FLT1: variants seen among roughly 807,000 people sequenced by gnomAD.
FLT1 encodes vascular endothelial growth factor receptor 1.
In FLT1, 49 loss-of-function variants were observed where a neutral mutation model predicts 156.3. The ratio of observed to expected loss-of-function variants is 0.31; its 90% confidence interval spans 0.25 to 0.40. The LOEUF is 0.40. Ranked by LOEUF, FLT1 falls within the 10% of genes least tolerant of loss-of-function variation. FLT1 has a pLI of 1.00. For synonymous variants in FLT1, 594 were observed against 583.8 expected (o/e 1.02, Z -0.25); for missense variants, 1,322 against 1,637.2 (o/e 0.81, Z 3.32).
At chr13:28,491,233 T>A (rs944810244) in intron 1 of FLT1, among the ~76,000 whole-genome samples, 2 of 152,194 alleles carry the variant, frequency 1.3e-5, no homozygotes, top group Non-Finnish European at 2.9e-5. Flanking sequence ...TCTCGATCAT[T>A]TTTGGAAAGA....
intron 17 of FLT1, 21 bp from the exon 18 acceptor site, chr13:28,334,150 T>C (rs370565566): frequency 1.3e-6 from 2 of 1,529,732 alleles, no homozygotes; most frequent in African/African-American, 2.7e-5. Flanking sequence ...GAGAAGACAC[T>C]GGTTTGTTTG....
intron 10 of FLT1, among the ~76,000 whole-genome samples, chr13:28,411,535 A>C (rs550844039): frequency 3.2e-4 from 45 of 138,894 alleles, no homozygotes; most frequent in African/African-American, 1.2e-3. Context: ...AAGAAGAGCG[A>C]AACTCCATCT....
At chr13:28,318,590 A>G (rs1007679812) in intron 24 of FLT1, among the ~76,000 whole-genome samples, 2 of 152,140 alleles carry the variant, frequency 1.3e-5, no homozygotes, top group Non-Finnish European at 2.9e-5. Context: ...TCATCGCAGG[A>G]CCACTGCAGC....
intron 1 of FLT1, among the ~76,000 whole-genome samples, chr13:28,472,564 G>A (rs939333848): frequency 2.0e-5 from 3 of 152,160 alleles, no homozygotes; most frequent in African/African-American, 4.8e-5. Context: ...CAAATCCCCT[G>A]GTTTCTCTCC....
intron 14 of FLT1, among the ~76,000 whole-genome samples, chr13:28,359,747 A>G (rs1191152958): frequency 6.6e-6 from 1 of 152,244 alleles, no homozygotes; most frequent in Admixed American, 6.5e-5. Flanking sequence ...GACATTTTTC[A>G]AAAGAAGACA....
chr13:28,462,966 C>G (rs540374283), intron 3 of FLT1, among the ~76,000 whole-genome samples: 1 of 152,290 alleles, frequency 6.6e-6, no homozygotes, highest in African/African-American at 2.4e-5. Context: ...AGTGCGAGCA[C>G]TTTCCCATGA....
At chr13:28,317,307 G>A (rs1360374127) in intron 25 of FLT1, among the ~76,000 whole-genome samples, 191 bp downstream of exon 25, 2 of 152,222 alleles carry the variant, frequency 1.3e-5, no homozygotes, top group South Asian at 2.1e-4. Context: ...CAAGGGCCAC[G>A]TGCCCCACTG....
chr13:28,474,577 T>G (rs1322229710), intron 1 of FLT1, among the ~76,000 whole-genome samples: 2 of 150,146 alleles, frequency 1.3e-5, no homozygotes, highest in Non-Finnish European at 3.0e-5. Context: ...AATGGCCACA[T>G]ATTGTATGAT....
intron 25 of FLT1, 124 bp downstream of exon 25, chr13:28,317,374 G>C: frequency 1.3e-6 from 1 of 756,688 alleles, no homozygotes; most frequent in Non-Finnish European, 2.4e-6. Context: ...CATCTCTAAA[G>C]GAAAGAAGAA....
At chr13:28,320,926 A>G (rs1031746322) in intron 23 of FLT1, among the ~76,000 whole-genome samples, 2 of 152,078 alleles carry the variant, frequency 1.3e-5, no homozygotes, top group Non-Finnish European at 2.9e-5. Context: ...AAATAACACT[A>G]TGTCTAAAAA....
chr13:28,372,052 A>G (rs796657504), intron 14 of FLT1, among the ~76,000 whole-genome samples: 4,698 of 58,188 alleles, frequency 0.081, 183 homozygotes, highest in African/African-American at 0.14. Context: ...GTGTGTGTAT[A>G]TATATATATA....
At chr13:28,310,138 T>A (rs1870936948) in intron 27 of FLT1, among the ~76,000 whole-genome samples, 1 of 152,012 alleles carries the variant, frequency 6.6e-6, no homozygotes, top group African/African-American at 2.4e-5. Flanking sequence ...GATCCACCCA[T>A]CTCGGCCTCC....
intron 15 of FLT1, among the ~76,000 whole-genome samples, chr13:28,350,251 A>G (rs1463444490): frequency 1.3e-5 from 2 of 152,234 alleles, no homozygotes; most frequent in Non-Finnish European, 2.9e-5. Context: ...ACACGGTACA[A>G]GGTTATTTTT....
At chr13:28,357,826 A>G in intron 14 of FLT1, 141 bp from the exon 15 acceptor site, 1 of 460,402 alleles carries the variant, frequency 2.2e-6, no homozygotes, top group Non-Finnish European at 3.8e-6. Context: ...AGGGTTGCTT[A>G]TTTGTTTTCT....
intron 25 of FLT1, among the ~76,000 whole-genome samples, chr13:28,312,511 TAAAAAAA>T (rs201861045): frequency 1.8e-4 from 26 of 143,786 alleles, no homozygotes; most frequent in African/African-American, 6.7e-4. Flanking sequence ...TCCTTAAAGT[TAAAAAAA>T]AAAAAAGTCA....
chr13:28,418,057 T>C (rs1050109998), intron 10 of FLT1, among the ~76,000 whole-genome samples: 3 of 152,138 alleles, frequency 2.0e-5, no homozygotes, highest in Non-Finnish European at 4.4e-5. Flanking sequence ...AGAATGGGGC[T>C]TCCCTGCCCT....
intron 3 of FLT1, among the ~76,000 whole-genome samples, chr13:28,441,566 T>C (rs187404428): frequency 6.6e-6 from 1 of 152,256 alleles, no homozygotes; most frequent in Non-Finnish European, 1.5e-5. Context: ...AATCACAAAT[T>C]ATACTCATCA....
chr13:28,460,111 C>A (rs1015910761), intron 3 of FLT1, among the ~76,000 whole-genome samples: 3 of 152,314 alleles, frequency 2.0e-5, no homozygotes, highest in Non-Finnish European at 4.4e-5. Flanking sequence ...CCAACCATCA[C>A]CCAGCTGGGC....
At chr13:28,395,085 C>T (rs1262544860) in intron 12 of FLT1, among the ~76,000 whole-genome samples, 8 of 152,140 alleles carry the variant, frequency 5.3e-5, no homozygotes, top group Non-Finnish European at 7.3e-5. Context: ...CCAGGTGCTG[C>T]CACAATCTGC....
Sources: gnomAD v4.1 joint callset for allele counts (sites outside exome capture counted in the v4.1 genomes callset) on GRCh38, gnomAD v4.1.1 for gene constraint, MANE v1.5 for transcripts, NCBI Gene and HGNC (gene_info 2026-07-23, HGNC 2026-07-21) for gene names.